Variants in STEAP2 observed in about 807,000 individuals in gnomAD.
The protein encoded by STEAP2 is metalloreductase STEAP2.
A neutral mutation model predicts 46.4 loss-of-function variants in STEAP2; 30 were observed. That is an observed-to-expected ratio of 0.65 (90% CI 0.48 to 0.88). The LOEUF (loss-of-function observed/expected upper bound fraction) is 0.88. STEAP2 is among the 40% of genes least tolerant of loss of function. The probability of loss-of-function intolerance (pLI) is 0.00; values close to 1 mark genes in which losing one functional copy is unlikely to be tolerated. For missense variants in STEAP2, 513 were observed against 579.3 expected, an observed-to-expected ratio of 0.89 and a Z score of 1.18; for synonymous variants, 180 against 200.5, an observed-to-expected ratio of 0.90 and a Z score of 0.86.
chr7:90,235,643 C>T lies in STEAP2; in HGVS notation c.*3019C>T. ...AAAAAAAAAATCAAGTAATTGTTTT[C>T]CTATGAGGAAAATAACCATGAGCTG... On this transcript the variant is annotated 3_prime_UTR_variant, in exon 6 of 6. Transcript: ENST00000394621. The T allele has an allele frequency of 1.0e-6, 1 of 971,680 alleles. No individual in the cohort carries two copies. The highest frequency in any genetic ancestry group is 1.8e-5 in the African/African-American group (1 of 56,930). The allele number at this position is 971,680 out of a possible 1,614,324, so 60.2% of individuals were successfully genotyped here.
rs1260982196 is a variant in STEAP2 at position 90,235,644 on chromosome 7, C to G, written c.*3020C>G. Reference sequence around the variant, plus strand: ...AAAAAAAAATCAAGTAATTGTTTTCCTATGAGGAAAATAACCATGAGCTGT... The same window carrying G: ...AAAAAAAAATCAAGTAATTGTTTTCGTATGAGGAAAATAACCATGAGCTGT... On this transcript the variant is annotated 3_prime_UTR_variant, in exon 6 of 6. Transcript: ENST00000394621. The G allele has an allele frequency of 1.0e-6, 1 of 972,100 alleles. No individual in the cohort carries two copies. Among genetic ancestry groups the G allele is most frequent in the African/African-American group, 1.8e-5 (1 of 56,824 alleles). 60.2% of individuals were successfully genotyped at this position (972,100 alleles called of 1,614,324 possible).
Position 90,232,861 on chromosome 7 carries a change from T to C in STEAP2, c.*237T>C. 1 of 1,169,000 alleles carries C rather than the reference T, an allele frequency of 8.6e-7. No individual in the cohort carries two copies. Among genetic ancestry groups the C allele is most frequent in the Non-Finnish European group, 1.1e-6 (1 of 943,804 alleles). 72.4% of individuals were successfully genotyped at this position (1,169,000 alleles called of 1,614,324 possible). ...GTAATTTAGGTATGTTTTGTTTTGTTTTGCACAACTGTAACCCTGTTGTTA... is the reference window on the plus strand; with the variant it reads ...GTAATTTAGGTATGTTTTGTTTTGTCTTGCACAACTGTAACCCTGTTGTTA... On this transcript the variant is annotated 3_prime_UTR_variant, in exon 6 of 6. Transcript: ENST00000394621.
At chr7:90,238,973 G>T (rs1796026780), downstream of STEAP2, among the ~76,000 whole-genome samples, 1 of 151,018 alleles carries the variant, frequency 6.6e-6, no homozygotes, top group African/African-American at 2.5e-5. Flanking sequence ...TGAAATATCA[G>T]TGTCCTGTAG....
rs762171504 is a variant in STEAP2 at position 90,227,291 on chromosome 7, C to T, written c.813C>T (p.Tyr271=). ...CCATTACTTTGCTCTCCCTAGTATA[C>T]CTCGCAGGTCTTCTGGCAGCTGCTT... ...IVAITLLSLV[Y]LAGLLAAAYQ... The change falls in exon 4 of 6, where the codon TAC becomes TAT. Residue 271 remains tyrosine (Y), a synonymous_variant. Coordinates refer to ENST00000394621, the MANE Select transcript of STEAP2 (RefSeq NM_001244944.2). The T allele has an allele frequency of 2.5e-6, 4 of 1,613,852 alleles. No individual in the cohort carries two copies. The South Asian group carries it at 4.4e-5, about 18-fold the overall frequency.
chr7:90,222,892 T>C (rs1289767325), intron 2 of STEAP2, among the ~76,000 whole-genome samples: 1 of 152,136 alleles, frequency 6.6e-6, no homozygotes, highest in Non-Finnish European at 1.5e-5. Flanking sequence ...GTCCATTAAA[T>C]CCTCTGAAAT....
intron 1 of STEAP2, among the ~76,000 whole-genome samples, chr7:90,213,543 T>C (rs1194038555): frequency 1.3e-5 from 2 of 152,166 alleles, no homozygotes; most frequent in African/African-American, 4.8e-5. Context: ...CACCTACCCC[T>C]TAAGGGCCCA....
At chr7:90,219,693 T>TA (rs1795169815) in intron 2 of STEAP2, among the ~76,000 whole-genome samples, 1 of 152,042 alleles carries the variant, frequency 6.6e-6, no homozygotes, top group Admixed American at 6.6e-5. Context: ...TATGAGTTGT[T>TA]AGATTTGGTT....
At chr7:90,241,269 TTCTGAGTCA>T (rs1796056407), downstream of STEAP2, among the ~76,000 whole-genome samples, 2 of 152,070 alleles carry the variant, frequency 1.3e-5, no homozygotes, top group Non-Finnish European at 2.9e-5. Context: ...AGAATGGAGA[TTCTGAGTCA>T]GTAGGTCCAC....
intron 1 of STEAP2, among the ~76,000 whole-genome samples, chr7:90,212,595 A>G (rs192345043): frequency 6.5e-4 from 99 of 152,280 alleles, no homozygotes; most frequent in African/African-American, 1.7e-3. Context: ...CTCAGCCAAA[A>G]CTTGTTGAAA....
In STEAP2 at chr7:90,232,475, G is replaced by A; in HGVS notation, c.1324G>A (p.Val442Ile). ...TCTTGCTCTTGTTTTGCCCTCAATT[G>A]TAATTCTGGGTAAGATTATTTTATT... ...FVLALVLPSIVILGKIILFLP... is the reference protein window; with the variant it reads ...FVLALVLPSIIILGKIILFLP... The change falls in exon 6 of 6, where the codon GTA becomes ATA. Residue 442 changes from valine (V) to isoleucine (I), a missense_variant. Val to Ile is a conservative substitution (Grantham distance 29). Transcript: ENST00000394621. 1.2e-6 allele frequency: 2 copies of A among 1,613,526 alleles called. No homozygotes were observed. Among genetic ancestry groups the A allele is most frequent in the Non-Finnish European group, 1.7e-6 (2 of 1,179,608 alleles).
chr7:90,225,608 G>A (rs376976216), intron 3 of STEAP2, 34 bp downstream of exon 3: 33 of 1,515,600 alleles, frequency 2.2e-5, no homozygotes, highest in Admixed American at 9.1e-5. Context: ...TTATGTATCT[G>A]GTATTTTGTA....
intron 1 of STEAP2, chr7:90,212,329 T>G (rs1036492557): frequency 6.5e-6 from 1 of 152,748 alleles, no homozygotes; most frequent in Admixed American, 6.5e-5. Flanking sequence ...AAGGAGACAT[T>G]GTCCCAGGTA....
rs1562816925 is a variant in STEAP2 at position 90,234,761 on chromosome 7, G to C, written c.*2137G>C. Reference sequence around the variant, plus strand: ...GTAGAGACGGAGTTTCACCGTGTTAGCCAGGATGGTCTCGATCTCCTGACC... The same window carrying C: ...GTAGAGACGGAGTTTCACCGTGTTACCCAGGATGGTCTCGATCTCCTGACC... On this transcript the variant is annotated 3_prime_UTR_variant, in exon 6 of 6. Transcript: ENST00000394621. 1.7e-6 allele frequency: 1 copy of C among 580,120 alleles called. No individual in the cohort carries two copies. The highest frequency in any genetic ancestry group is 2.2e-6 in the Non-Finnish European group (1 of 460,330). The allele number at this position is 580,120 out of a possible 1,614,324, so 35.9% of individuals were successfully genotyped here. A position where few individuals can be genotyped will look rare whatever the true frequency, so the allele number is the denominator to read the frequency against.
intron 4 of STEAP2, among the ~76,000 whole-genome samples, chr7:90,227,724 G>A (rs1795562380): frequency 6.6e-6 from 1 of 152,012 alleles, no homozygotes; most frequent in Non-Finnish European, 1.5e-5. Context: ...CAGAATAAAA[G>A]CAGAAAAATA....
intron 2 of STEAP2, among the ~76,000 whole-genome samples, chr7:90,224,022 A>C (rs750244117): frequency 2.8e-4 from 43 of 152,168 alleles, no homozygotes; most frequent in Non-Finnish European, 5.6e-4. Flanking sequence ...GTGAGCCATC[A>C]CTTAGTATCA....
chr7:90,227,181 G>T lies in STEAP2; in HGVS notation c.703G>T (p.Val235Leu), dbSNP rs1261030570. The change falls in exon 4 of 6, where the codon GTG becomes TTG. Residue 235 changes from valine to leucine, a missense_variant. Transcript: ENST00000394621. ...FFFLYSFVRD[V>L]IHPYARNQQS... ...TTTCCTTTATTCCTTTGTCAGAGAT[G>T]TGATTCATCCATATGCTAGAAACCA... 1 of 1,613,508 alleles carries T rather than the reference G, an allele frequency of 6.2e-7. No homozygotes were observed. The highest frequency in any genetic ancestry group is 8.5e-7 in the Non-Finnish European group (1 of 1,179,844).
chr7:90,217,957 C>T (rs1795097646), intron 2 of STEAP2, among the ~76,000 whole-genome samples: 2 of 152,098 alleles, frequency 1.3e-5, no homozygotes, highest in African/African-American at 4.8e-5. Context: ...TTAATAATAG[C>T]AGTTCTAATT....
Position 90,235,124 on chromosome 7 carries a change from T to C in STEAP2, c.*2500T>C, listed in dbSNP as rs1190795921. On this transcript the variant is annotated 3_prime_UTR_variant, in exon 6 of 6. Coordinates refer to ENST00000394621, the MANE Select transcript of STEAP2 (RefSeq NM_001244944.2). ...GTTAAATGACTATTAAAGCATATATTGTTGCATGTATATATTAAGTAGCCG... is the reference window on the plus strand; with the variant it reads ...GTTAAATGACTATTAAAGCATATATCGTTGCATGTATATATTAAGTAGCCG... 3.2e-6 allele frequency: 3 copies of C among 940,992 alleles called. No homozygotes were observed. The highest frequency in any genetic ancestry group is 3.6e-5 in the African/African-American group (2 of 56,306). The allele number at this position is 940,992 out of a possible 1,614,324, so 58.3% of individuals were successfully genotyped here. A position where few individuals can be genotyped will look rare whatever the true frequency, so the allele number is the denominator to read the frequency against.
chr7:90,240,791 A>C (rs1165396636), downstream of STEAP2, among the ~76,000 whole-genome samples: 1 of 152,216 alleles, frequency 6.6e-6, no homozygotes, highest in African/African-American at 2.4e-5. This position sits in a 1 kb window ranked among gnomAD's most constrained non-coding sequence, Gnocchi z 4.1. Flanking sequence ...AGAGATATTA[A>C]ATTCTGTAGA....
Sources: allele counts gnomAD v4.1 joint callset (sites outside exome capture counted in the v4.1 genomes callset), GRCh38; gene constraint gnomAD v4.1.1; non-coding constraint Gnocchi (gnomAD v3.1); transcripts MANE v1.5; gene names NCBI Gene and HGNC (gene_info 2026-07-23, HGNC 2026-07-21).